Variants in KCNN2 observed in about 807,000 individuals in gnomAD.
KCNN2 encodes small conductance calcium-activated potassium channel protein 2.
Under a neutral mutation model 55.5 loss-of-function variants are expected in KCNN2, and 24 were observed. That is an observed-to-expected ratio of 0.43 (90% confidence interval 0.31 to 0.61). The LOEUF (loss-of-function observed/expected upper bound fraction) is 0.61, where lower values mean the gene tolerates loss of function less well. Ranked by LOEUF, KCNN2 falls within the 20% of genes least tolerant of loss-of-function variation. The pLI, the probability that KCNN2 is intolerant of heterozygous loss-of-function variation, is 0.08. For missense variants in KCNN2, 754 were observed against 853.6 expected (o/e 0.88, Z 1.45); for synonymous variants, 431 against 336.1 (o/e 1.28, Z -3.09).
intron 2 of KCNN2, among the ~76,000 whole-genome samples, chr5:114,327,676 C>T (rs1350317428): frequency 2.6e-5 from 4 of 152,148 alleles, no homozygotes; most frequent in Non-Finnish European, 5.9e-5. Context: ...AGTGAGTCAT[C>T]GTTGCCATTC....
At chr5:114,328,796 A>G (rs1580725149) in intron 2 of KCNN2, among the ~76,000 whole-genome samples, 1 of 152,210 alleles carries the variant, frequency 6.6e-6, no homozygotes, top group African/African-American at 2.4e-5. Context: ...GGCAACCCTG[A>G]ATGAGAACCA....
intron 2 of KCNN2, among the ~76,000 whole-genome samples, chr5:114,238,081 A>G (rs1436102280): frequency 6.6e-6 from 1 of 152,238 alleles, no homozygotes; most frequent in Non-Finnish European, 1.5e-5. Context: ...ATCTGGACTC[A>G]GTAAGTCTCT....
At chr5:114,209,736 G>A (rs1301779802) in intron 1 of KCNN2, among the ~76,000 whole-genome samples, 3 of 152,116 alleles carry the variant, frequency 2.0e-5, no homozygotes, top group East Asian at 1.9e-4. Context: ...TAAAATCTCT[G>A]TTCAGCTTTC....
intron 1 of KCNN2, among the ~76,000 whole-genome samples, chr5:114,150,898 GT>G (rs1752507629): frequency 2.0e-5 from 3 of 152,094 alleles, no homozygotes; most frequent in Admixed American, 1.3e-4. Flanking sequence ...GTGCATGCCT[GT>G]AATCCCAGCT....
intron 2 of KCNN2, among the ~76,000 whole-genome samples, chr5:114,307,252 G>GCC (rs2150024695): frequency 6.6e-6 from 1 of 152,300 alleles, no homozygotes; most frequent in Non-Finnish European, 1.5e-5. Context: ...AACTAACTTA[G>GCC]ATCTGGAGAC....
intron 1 of KCNN2, among the ~76,000 whole-genome samples, chr5:114,070,536 C>T (rs1750546809): frequency 6.6e-6 from 1 of 152,164 alleles, no homozygotes; most frequent in South Asian, 2.1e-4. Context: ...TCAGGCAAGG[C>T]CCCCACCAGT....
chr5:114,339,800 C>CACAA (rs879465641), intron 2 of KCNN2, among the ~76,000 whole-genome samples: 3,138 of 142,942 alleles, frequency 0.022, 81 homozygotes, highest in Admixed American at 0.067. Flanking sequence ...CAGACCTTAT[C>CACAA]ACAAACAAAC....
At chr5:114,098,249 A>G (rs1046428943) in intron 1 of KCNN2, among the ~76,000 whole-genome samples, 5 of 152,074 alleles carry the variant, frequency 3.3e-5, no homozygotes, top group Non-Finnish European at 7.4e-5. Context: ...CATATCTGCA[A>G]AGTCCCTTTT....
At position 114,473,110 on chromosome 5, in the gene KCNN2, C is replaced by T. The variant is rs940131492; in HGVS notation, c.1836C>T (p.Thr612=). The change falls in exon 5 of 8, where the codon ACC becomes ACT. Residue 612 remains threonine, a synonymous_variant. Coordinates refer to ENST00000673685, the MANE Select transcript of KCNN2 (RefSeq NM_021614.4). ...VAVVARKLEL[T]KAEKHVHNFM... ...TAGTGGCAAGGAAGCTAGAACTTAC[C>T]AAAGCAGAAAAACACGTGCACAATT... 6.2e-7 allele frequency: 1 copy of T among 1,612,502 alleles called. No homozygotes were observed. The highest frequency in any genetic ancestry group is 8.5e-7 in the Non-Finnish European group (1 of 1,179,262).
At chr5:114,110,342 A>G (rs1315986584) in intron 1 of KCNN2, among the ~76,000 whole-genome samples, 2 of 152,038 alleles carry the variant, frequency 1.3e-5, no homozygotes, top group East Asian at 3.9e-4. Context: ...AGGCTTAGAA[A>G]TAAGAAACAT....
intron 2 of KCNN2, among the ~76,000 whole-genome samples, chr5:114,340,246 G>A (rs573523217): frequency 6.6e-6 from 1 of 152,282 alleles, no homozygotes; most frequent in South Asian, 2.1e-4. Flanking sequence ...GCGTAAACAT[G>A]AAGCAGATTG....
chr5:114,257,723 C>T (rs143770594), intron 2 of KCNN2, among the ~76,000 whole-genome samples: 1 of 152,216 alleles, frequency 6.6e-6, no homozygotes, highest in East Asian at 1.9e-4. Flanking sequence ...TTACTGAATT[C>T]ATTTATCAGA....
chr5:114,122,095 A>G (rs1308996848), intron 1 of KCNN2, among the ~76,000 whole-genome samples: 1 of 152,244 alleles, frequency 6.6e-6, no homozygotes, highest in Non-Finnish European at 1.5e-5. Flanking sequence ...AACTTTTGTG[A>G]GAGTCATTAG....
intron 1 of KCNN2, among the ~76,000 whole-genome samples, chr5:114,118,907 G>C (rs750100206): frequency 4.9e-4 from 75 of 152,210 alleles, no homozygotes; most frequent in Middle Eastern, 3.4e-3. Flanking sequence ...GGCAGGATAG[G>C]GGAGGGGATG....
At chr5:114,262,475 G>A (rs1407347241) in intron 2 of KCNN2, among the ~76,000 whole-genome samples, 2 of 152,156 alleles carry the variant, frequency 1.3e-5, no homozygotes, top group African/African-American at 4.8e-5. Context: ...AAGCAGAGTA[G>A]TCATGAATGT....
intron 1 of KCNN2, among the ~76,000 whole-genome samples, chr5:114,217,278 A>G (rs890083824): frequency 6.6e-6 from 1 of 152,176 alleles, no homozygotes; most frequent in Non-Finnish European, 1.5e-5. Context: ...AAGAATCAAA[A>G]GACCCACAAC....
At chr5:114,261,771 A>T (rs1169893257) in intron 2 of KCNN2, among the ~76,000 whole-genome samples, 1 of 152,190 alleles carries the variant, frequency 6.6e-6, no homozygotes, top group Non-Finnish European at 1.5e-5. Flanking sequence ...TAGTTCGCAG[A>T]AAGTTCTCAG....
chr5:114,150,358 T>TCTGATCTTTG (rs1368133399), intron 1 of KCNN2, among the ~76,000 whole-genome samples: 7 of 152,170 alleles, frequency 4.6e-5, no homozygotes, highest in Non-Finnish European at 7.3e-5. Flanking sequence ...TCTACAACCA[T>TCTGATCTTTG]CTGATCTTTG....
intron 1 of KCNN2, among the ~76,000 whole-genome samples, chr5:114,197,182 G>C (rs1405520207): frequency 5.3e-5 from 8 of 151,996 alleles, no homozygotes; most frequent in Admixed American, 2.0e-4. Context: ...TTCTGATGTG[G>C]TTTGATAGCA....
Sources: allele counts gnomAD v4.1 joint callset (sites outside exome capture counted in the v4.1 genomes callset), GRCh38; gene constraint gnomAD v4.1.1; transcripts MANE v1.5; gene names NCBI Gene and HGNC (gene_info 2026-07-23, HGNC 2026-07-21).